CNTNAP2: variants seen among roughly 807,000 people sequenced by gnomAD.
CNTNAP2 encodes the protein contactin associated protein 2.
A neutral mutation model predicts 155.2 loss-of-function variants in CNTNAP2; 98 were observed. The observed-to-expected ratio is 0.63, with a 90% CI of 0.54 to 0.75. The LOEUF is 0.75. CNTNAP2 is among the 30% of genes least tolerant of loss of function. CNTNAP2 has a pLI of 0.00. For synonymous variants in CNTNAP2, 651 were observed against 631.2 expected (o/e 1.03, Z -0.47); for missense variants, 1,727 against 1,688.1 (o/e 1.02, Z -0.40).
At chr7:147,399,369 C>T (rs2116463064) in intron 10 of CNTNAP2, among the ~76,000 whole-genome samples, 1 of 152,186 alleles carries the variant, frequency 6.6e-6, no homozygotes, top group South Asian at 2.1e-4. Flanking sequence ...CATTATAATC[C>T]AGGTGAGAGA....
chr7:147,420,517 G>A (rs1202045853), intron 10 of CNTNAP2, among the ~76,000 whole-genome samples: 2 of 152,110 alleles, frequency 1.3e-5, no homozygotes, highest in South Asian at 2.1e-4. Context: ...TTGAGGGTCA[G>A]AAAAAGTGCC....
chr7:147,182,890 G>T (rs1476131561), intron 8 of CNTNAP2, among the ~76,000 whole-genome samples: 2 of 151,948 alleles, frequency 1.3e-5, no homozygotes, highest in East Asian at 3.9e-4. Flanking sequence ...ATACTTATTA[G>T]AAATACTTAT....
At chr7:146,319,754 AAAC>A (rs1402770608) in intron 1 of CNTNAP2, among the ~76,000 whole-genome samples, 2 of 152,190 alleles carry the variant, frequency 1.3e-5, no homozygotes, top group African/African-American at 4.8e-5. Context: ...GTGTTAGTGA[AAAC>A]AGATTTCTGT....
chr7:148,275,846 G>A (rs1007667231), intron 21 of CNTNAP2, among the ~76,000 whole-genome samples: 4 of 152,188 alleles, frequency 2.6e-5, no homozygotes, highest in Admixed American at 6.5e-5. Context: ...CATGTTCCAA[G>A]AGAGAGGAAG....
At chr7:146,840,774 A>AT (rs1803707056) in intron 3 of CNTNAP2, among the ~76,000 whole-genome samples, 1 of 152,222 alleles carries the variant, frequency 6.6e-6, no homozygotes, top group South Asian at 2.1e-4. Flanking sequence ...GTCCCCAATT[A>AT]TTTTTTCTAA....
intron 1 of CNTNAP2, among the ~76,000 whole-genome samples, chr7:146,535,580 C>A (rs1797856260): frequency 6.7e-6 from 1 of 149,344 alleles, no homozygotes; most frequent in Non-Finnish European, 1.5e-5. Flanking sequence ...TTGTAATTGA[C>A]AATTGTATAA....
intron 11 of CNTNAP2, among the ~76,000 whole-genome samples, chr7:147,552,084 C>T (rs1484007486): frequency 1.3e-5 from 2 of 152,128 alleles, no homozygotes; most frequent in African/African-American, 4.8e-5. Flanking sequence ...CTGTAAGTTA[C>T]AGAACCAAGT....
chr7:146,350,988 A>G (rs970153607), intron 1 of CNTNAP2, among the ~76,000 whole-genome samples: 1 of 133,344 alleles, frequency 7.5e-6, no homozygotes, highest in Non-Finnish European at 1.5e-5. Flanking sequence ...ATGAGAGCAC[A>G]TGAACACAGG....
intron 20 of CNTNAP2, among the ~76,000 whole-genome samples, chr7:148,242,173 G>T (rs1796169812): frequency 6.6e-6 from 1 of 152,192 alleles, no homozygotes; most frequent in Admixed American, 6.5e-5. Flanking sequence ...ATATCCATCT[G>T]CAGTGCACTA....
chr7:148,338,109 C>A (rs1563049224), intron 21 of CNTNAP2, among the ~76,000 whole-genome samples: 1 of 152,060 alleles, frequency 6.6e-6, no homozygotes, highest in African/African-American at 2.4e-5. Flanking sequence ...TACTTCCAGC[C>A]CCTGAGAGCC....
intron 10 of CNTNAP2, among the ~76,000 whole-genome samples, chr7:147,462,524 A>T (rs6949929): frequency 6.6e-6 from 1 of 152,018 alleles, no homozygotes; most frequent in African/African-American, 2.4e-5. Flanking sequence ...TATGTTCTCA[A>T]ATGGAGCCCT....
Position 148,392,957 on chromosome 7 carries a change from A to G in CNTNAP2, c.3715+9069A>G, listed in dbSNP as rs546068728. ...CCGTCACCACATCGGACACTTTACC[A>G]CTGGCCACAGATTGGTTTCTGAAGA... is the stretch of plus-strand genomic sequence containing the variant. On this transcript the variant is annotated intron_variant, in intron 22 of 23. Transcript: ENST00000361727. Among the ~76,000 whole-genome samples the G allele has an allele frequency of 1.6e-4, 25 of 152,108 alleles. 2 individuals are homozygous for G. In the South Asian group the frequency reaches 4.8e-3, roughly 29 times the overall value.
intron 1 of CNTNAP2, among the ~76,000 whole-genome samples, chr7:146,740,419 A>G (rs1353198199): frequency 2.0e-5 from 3 of 151,500 alleles, no homozygotes; most frequent in East Asian, 3.9e-4. Context: ...GTTATTTTAT[A>G]TTATTTTCAG....
At chr7:147,170,237 G>A (rs1802199203) in intron 8 of CNTNAP2, among the ~76,000 whole-genome samples, 1 of 152,020 alleles carries the variant, frequency 6.6e-6, no homozygotes, top group Admixed American at 6.6e-5. Flanking sequence ...GTGTAGTTTG[G>A]GGTGCAATCC....
intron 21 of CNTNAP2, among the ~76,000 whole-genome samples, chr7:148,382,714 T>C (rs1637845): frequency 0.71 from 108,707 of 152,116 alleles, 40,005 homozygotes; most frequent in Admixed American, 0.81. Flanking sequence ...GATGCGGCAC[T>C]TGCTCAGAGC....
chr7:148,279,273 T>C (rs868472791), intron 21 of CNTNAP2, among the ~76,000 whole-genome samples: 1 of 152,132 alleles, frequency 6.6e-6, no homozygotes, highest in Non-Finnish European at 1.5e-5. Flanking sequence ...CAAATACAGT[T>C]GTGGAGTCCA....
At chr7:147,415,600 G>T (rs1328868522) in intron 10 of CNTNAP2, among the ~76,000 whole-genome samples, 2 of 152,144 alleles carry the variant, frequency 1.3e-5, no homozygotes, top group Non-Finnish European at 1.5e-5. Context: ...TAGCCATGCT[G>T]AACTGTGAGT....
chr7:146,414,038 A>G (rs976062865), intron 1 of CNTNAP2, among the ~76,000 whole-genome samples: 1 of 152,216 alleles, frequency 6.6e-6, no homozygotes, highest in African/African-American at 2.4e-5. Flanking sequence ...AAAGCTGGAC[A>G]TGTGAACTAT....
chr7:148,066,877 A>G (rs945988798), intron 15 of CNTNAP2, among the ~76,000 whole-genome samples: 1 of 152,120 alleles, frequency 6.6e-6, no homozygotes, highest in Non-Finnish European at 1.5e-5. Flanking sequence ...TCTTTCTTCT[A>G]CTTGTTCCAT....
Sources: allele counts gnomAD v4.1 joint callset (sites outside exome capture counted in the v4.1 genomes callset), GRCh38; gene constraint gnomAD v4.1.1; transcripts MANE v1.5; gene names NCBI Gene and HGNC (gene_info 2026-07-23, HGNC 2026-07-21).